Variants in BAZ2B observed in about 807,000 individuals in gnomAD.
The protein encoded by BAZ2B is bromodomain adjacent to zinc finger domain protein 2B.
Under a neutral mutation model 246.0 loss-of-function variants are expected in BAZ2B, and 91 were observed. The observed-to-expected ratio is 0.37, with a 90% CI of 0.31 to 0.44. The LOEUF is 0.44. BAZ2B is among the 20% of genes least tolerant of loss of function. BAZ2B has a pLI of 1.00. For missense variants in BAZ2B, 2,332 were observed against 2,533.7 expected (o/e 0.92, Z 1.71); for synonymous variants, 855 against 860.0 (o/e 0.99, Z 0.10).
chr2:159,466,532 G>C (rs1295840849), intron 3 of BAZ2B, among the ~76,000 whole-genome samples: 1 of 152,182 alleles, frequency 6.6e-6, no homozygotes, highest in Non-Finnish European at 1.5e-5. Flanking sequence ...ATTGTGAATA[G>C]TGCTATGGAG....
In BAZ2B at chr2:159,438,304, C is replaced by G; in HGVS notation, c.1292G>C (p.Arg431Pro). ...SLLTSELRSK[R>P]EQYKQAFPSQ... ...TTGTATAAATAATTTGTAACTCACCCGTTTGGATCTCAATTCACTGGTCAA... is the reference window on the plus strand; with the variant it reads ...TTGTATAAATAATTTGTAACTCACCGGTTTGGATCTCAATTCACTGGTCAA... The change falls in exon 8 of 37, where the codon CGG becomes CCG. Residue 431 changes from arginine to proline, a missense_variant and splice_region_variant. Around this residue, in one of 9 missense-constraint regions of BAZ2B, gnomAD observed 651 missense variants for 650.9 expected, o/e 1.00. Coordinates refer to ENST00000392783, the MANE Select transcript of BAZ2B (RefSeq NM_013450.4). 1 of 1,609,318 alleles carries G rather than the reference C, an allele frequency of 6.2e-7. No individual in the cohort carries two copies. The highest frequency in any genetic ancestry group is 8.5e-7 in the Non-Finnish European group (1 of 1,178,490).
intron 33 of BAZ2B, among the ~76,000 whole-genome samples, chr2:159,333,725 A>C (rs951114773): frequency 6.6e-6 from 1 of 152,154 alleles, no homozygotes; most frequent in South Asian, 2.1e-4. Flanking sequence ...TTAATTTTCA[A>C]TGCAACATTA....
At chr2:159,335,842 A>G (rs1452850886) in intron 33 of BAZ2B, among the ~76,000 whole-genome samples, 1 of 152,222 alleles carries the variant, frequency 6.6e-6, no homozygotes, top group African/African-American at 2.4e-5. Context: ...TCAAATGTTT[A>G]AATTTTAAAG....
intron 2 of BAZ2B, among the ~76,000 whole-genome samples, chr2:159,502,227 G>C (rs1342015854): frequency 1.3e-5 from 2 of 151,998 alleles, no homozygotes; most frequent in South Asian, 4.1e-4. Flanking sequence ...TGTTTTAACT[G>C]ATTGTGGTGA....
chr2:159,615,686 A>T (rs1695883877), intron 1 of BAZ2B: 1 of 152,126 alleles, frequency 6.6e-6, no homozygotes, highest in Admixed American at 6.6e-5. Flanking sequence ...GGAGTGGGGG[A>T]GCAGCGGATA....
At chr2:159,687,797 G>A in the BAZ2B span, among the ~76,000 whole-genome samples, 1 of 152,178 alleles carries the variant, frequency 6.6e-6, no homozygotes, top group East Asian at 1.9e-4. Flanking sequence ...ATTGGTGTCT[G>A]AAGCTGGAAT....
chr2:159,431,979 T>C (rs1246771203), intron 9 of BAZ2B, among the ~76,000 whole-genome samples: 5 of 152,176 alleles, frequency 3.3e-5, no homozygotes, highest in African/African-American at 1.2e-4. Flanking sequence ...AGTTGTTTTA[T>C]GGAAACCCCA....
At chr2:159,562,564 G>T (rs1057241355) in intron 1 of BAZ2B, among the ~76,000 whole-genome samples, 1 of 152,116 alleles carries the variant, frequency 6.6e-6, no homozygotes, top group African/African-American at 2.4e-5. Flanking sequence ...CATTCTTGAG[G>T]TTAATGTATA....
rs1361146813 is a variant in BAZ2B at position 159,493,046 on chromosome 2, T to C, written c.-2-14325A>G. Among the ~76,000 whole-genome samples, 15 of 152,286 alleles carry C rather than the reference T, an allele frequency of 9.8e-5. No individual in the cohort carries two copies. In the East Asian group the frequency reaches 2.9e-3, roughly 29 times the overall value. On this transcript the variant is annotated intron_variant, in intron 2 of 36. Transcript: ENST00000392783. ...TAAAACTAAAATATCTAAAAGTCAC[T>C]TTAAACAGTTCTTTTGTGTGGTTAT... is the stretch of plus-strand genomic sequence containing the variant.
chr2:159,566,168 C>T (rs764701539), intron 1 of BAZ2B, among the ~76,000 whole-genome samples: 3 of 152,078 alleles, frequency 2.0e-5, no homozygotes, highest in Non-Finnish European at 4.4e-5. Flanking sequence ...TGCACCACCA[C>T]GTCTGGCTAA....
At chr2:159,342,079 C>T (rs559135923) in intron 31 of BAZ2B, among the ~76,000 whole-genome samples, 5 of 152,206 alleles carry the variant, frequency 3.3e-5, no homozygotes, top group African/African-American at 1.2e-4. Flanking sequence ...CAAAAAGTTA[C>T]TTTTCCTAAC....
intron 1 of BAZ2B, among the ~76,000 whole-genome samples, chr2:159,563,620 T>A (rs1023960226): frequency 6.6e-6 from 1 of 152,086 alleles, no homozygotes; most frequent in Non-Finnish European, 1.5e-5. Context: ...CCCAGAATAG[T>A]CAAATTCATA....
chr2:159,323,896 A>G (rs2063080092), intron 36 of BAZ2B, among the ~76,000 whole-genome samples: 1 of 152,102 alleles, frequency 6.6e-6, no homozygotes, highest in Admixed American at 6.5e-5. Context: ...AATCATTTAA[A>G]CGCTTCCTTA....
chr2:159,679,519 G>A, the BAZ2B span, among the ~76,000 whole-genome samples: 3 of 152,064 alleles, frequency 2.0e-5, no homozygotes, highest in Non-Finnish European at 4.4e-5. Context: ...TGGCCAACTA[G>A]GTTCTCTTCT....
At chr2:159,565,308 T>C (rs1239356827) in intron 1 of BAZ2B, among the ~76,000 whole-genome samples, 2 of 152,184 alleles carry the variant, frequency 1.3e-5, no homozygotes, top group Non-Finnish European at 2.9e-5. Flanking sequence ...TGACGGAGTA[T>C]TGCTCTGAAG....
At chr2:159,331,058 G>A (rs2064665872) in intron 34 of BAZ2B, among the ~76,000 whole-genome samples, 1 of 152,134 alleles carries the variant, frequency 6.6e-6, no homozygotes, top group African/African-American at 2.4e-5. Context: ...GGAACCCAGT[G>A]GAGAAGGAGA....
At chr2:159,601,179 A>G (rs951776035) in intron 1 of BAZ2B, among the ~76,000 whole-genome samples, 1 of 152,186 alleles carries the variant, frequency 6.6e-6, no homozygotes, top group African/African-American at 2.4e-5. Flanking sequence ...CTTATTCCAA[A>G]TATTTAAAAT....
the BAZ2B span, chr2:159,689,334 C>T: frequency 2.5e-5 from 9 of 365,702 alleles, no homozygotes; most frequent in Non-Finnish European, 4.5e-5. Context: ...ATGAGTTTTC[C>T]CAATTCAAAC....
chr2:159,646,142 C>T, the BAZ2B span, among the ~76,000 whole-genome samples: 19 of 152,146 alleles, frequency 1.2e-4, no homozygotes, highest in African/African-American at 2.2e-4. Context: ...CCATAGAAGA[C>T]GGCCACACCC....
Sources: allele counts gnomAD v4.1 joint callset (sites outside exome capture counted in the v4.1 genomes callset), GRCh38; gene constraint gnomAD v4.1.1; regional missense constraint gnomAD v4.1.1; transcripts MANE v1.5; gene names NCBI Gene and HGNC (gene_info 2026-07-23, HGNC 2026-07-21).